The following TRIM33 variants were observed in gnomAD, a reference collection of about 807,000 sequenced individuals.
TRIM33 encodes the protein tripartite motif containing 33.
In TRIM33, 20 loss-of-function variants were observed where a neutral mutation model predicts 125.4. The observed-to-expected ratio is 0.16, with a 90% CI of 0.11 to 0.23. The LOEUF is 0.23. Ranked by LOEUF, TRIM33 falls within the 10% of genes least tolerant of loss-of-function variation. The pLI is 1.00. For missense variants in TRIM33, 920 were observed against 1,411.4 expected (o/e 0.65, Z 5.58); for synonymous variants, 564 against 513.9 (o/e 1.10, Z -1.32).
intron 1 of TRIM33, among the ~76,000 whole-genome samples, chr1:114,484,219 C>T (rs1009430276): frequency 6.6e-6 from 1 of 152,172 alleles, no homozygotes; most frequent in East Asian, 1.9e-4. Context: ...GTCAGCATTT[C>T]ATACTTTGGA....
intron 1 of TRIM33, among the ~76,000 whole-genome samples, chr1:114,478,774 G>A (rs369992150): frequency 1.3e-5 from 2 of 152,306 alleles, no homozygotes; most frequent in African/African-American, 2.4e-5. Context: ...CAGGCCAGGC[G>A]TGGTGGCTCA....
intron 1 of TRIM33, among the ~76,000 whole-genome samples, chr1:114,487,550 A>T (rs1651779261): frequency 6.6e-6 from 1 of 152,102 alleles, no homozygotes; most frequent in Admixed American, 6.5e-5. Context: ...GAAAAAAAAA[A>T]TGTTAACAGA....
chr1:114,492,531 C>T (rs1289811446), intron 1 of TRIM33, among the ~76,000 whole-genome samples: 1 of 152,096 alleles, frequency 6.6e-6, no homozygotes, highest in Non-Finnish European at 1.5e-5. Context: ...CATTAAGCAA[C>T]AATCGCCCAT....
chr1:114,452,633 T>C (rs1649380216), intron 4 of TRIM33, among the ~76,000 whole-genome samples: 1 of 149,504 alleles, frequency 6.7e-6, no homozygotes, highest in African/African-American at 2.5e-5. Flanking sequence ...CAGTGGCTTA[T>C]AAGTGTAATC....
chr1:114,427,259 C>G lies in TRIM33; in HGVS notation c.1338G>C (p.Arg446=). ...CATTAGCAGCAGGGACAGGATCACA[C>G]CGTGCTTTCAAAATATGACGCAACT... ...TFQLRHILKA[R]CDPVPAANGA... The change falls in exon 8 of 20, where the codon CGG becomes CGC. Residue 446 remains arginine (R), a synonymous_variant. Coordinates refer to ENST00000358465, the MANE Select transcript of TRIM33 (RefSeq NM_015906.4). 6.3e-7 allele frequency: 1 copy of G among 1,598,576 alleles called. No individual in the cohort carries two copies. Among genetic ancestry groups the G allele is most frequent in the Non-Finnish European group, 8.5e-7 (1 of 1,170,552 alleles).
chr1:114,510,390 G>A (rs1397185843), intron 1 of TRIM33, among the ~76,000 whole-genome samples, 161 bp downstream of exon 1: 3 of 152,086 alleles, frequency 2.0e-5, no homozygotes, highest in Non-Finnish European at 4.4e-5. Flanking sequence ...TTGCGGTCCA[G>A]CTTCTCTGGA....
At position 114,427,226 on chromosome 1, in the gene TRIM33, T is replaced by A; in HGVS notation, c.1371A>T (p.Ile457=). The change falls in exon 8 of 20, where the codon ATA becomes ATT. Residue 457 remains isoleucine, a synonymous_variant. Transcript: ENST00000358465. ...CDPVPAANGA[I]RFHCDPTFWA... ...AGAAGGTGGGATCACAATGGAAACG[T>A]ATTGCTCCATTAGCAGCAGGGACAG... 1 of 1,607,654 alleles carries A rather than the reference T, an allele frequency of 6.2e-7. No homozygotes were observed. Among genetic ancestry groups the A allele is most frequent in the African/African-American group, 1.3e-5 (1 of 74,916 alleles).
rs1458446659 is a variant in TRIM33 at position 114,421,575 on chromosome 1, T to C, written c.1922A>G (p.Asn641Ser). ...AGTTGCTGTAGTAGGGCTCGTTGGG[T>C]TGATTGTGGTGTTGTGTACCGATAC... ...PVVSVHNTTI[N>S]PTSPTTATMA... Residue 641 changes from asparagine to serine, a missense_variant, in exon 11 of 20, where the codon AAC (asparagine) becomes AGC (serine). This residue lies in a region of TRIM33 where 407 missense variants were observed against 589.7 expected (regional missense o/e 0.69). Coordinates refer to ENST00000358465, the MANE Select transcript of TRIM33 (RefSeq NM_015906.4). 1.9e-6 allele frequency: 3 copies of C among 1,614,026 alleles called. No individual in the cohort carries two copies. Among genetic ancestry groups the C allele is most frequent in the African/African-American group, 1.3e-5 (1 of 74,966 alleles).
At chr1:114,481,675 G>GTATA (rs34435178) in intron 1 of TRIM33, among the ~76,000 whole-genome samples, 1 of 147,636 alleles carries the variant, frequency 6.8e-6, no homozygotes, top group Non-Finnish European at 1.5e-5. Context: ...ATATATGTGT[G>GTATA]TATATATATA....
At chr1:114,481,661 G>GTA (rs372247789) in intron 1 of TRIM33, among the ~76,000 whole-genome samples, 5 of 144,942 alleles carry the variant, frequency 3.4e-5, no homozygotes, top group Middle Eastern at 3.3e-3. Flanking sequence ...GTGTGTGTGT[G>GTA]TATATATATG....
chr1:114,462,113 T>C (rs114258144), intron 4 of TRIM33, among the ~76,000 whole-genome samples: 3,923 of 152,252 alleles, frequency 0.026, 87 homozygotes, highest in Non-Finnish European at 0.034. Flanking sequence ...CTACAGCCTT[T>C]TGTGAGTAGG....
chr1:114,445,772 T>C (rs191492861), intron 4 of TRIM33, among the ~76,000 whole-genome samples: 13 of 152,190 alleles, frequency 8.5e-5, no homozygotes, highest in African/African-American at 1.2e-4. Flanking sequence ...GAATACAAAG[T>C]AGTAATATCA....
chr1:114,435,946 T>C (rs1266749724), intron 4 of TRIM33, among the ~76,000 whole-genome samples: 1 of 141,086 alleles, frequency 7.1e-6, no homozygotes, highest in African/African-American at 2.7e-5. Context: ...TTGCCCAAGC[T>C]GGTCTTGAAC....
chr1:114,408,650 G>GA (rs767553993), intron 13 of TRIM33, 27 bp downstream of exon 13: 54 of 1,502,354 alleles, frequency 3.6e-5, no homozygotes, highest in Non-Finnish European at 3.7e-5. Context: ...TAACAAAAAG[G>GA]AAAAAAATAA....
intron 17 of TRIM33, among the ~76,000 whole-genome samples, chr1:114,400,213 G>T (rs557892449): frequency 9.7e-4 from 148 of 152,150 alleles, no homozygotes; most frequent in Non-Finnish European, 1.8e-3. Flanking sequence ...TTGACTAATT[G>T]ATTTTTGAGA....
intron 4 of TRIM33, among the ~76,000 whole-genome samples, chr1:114,455,985 C>G (rs1649593464): frequency 6.6e-6 from 1 of 152,180 alleles, no homozygotes; most frequent in Middle Eastern, 3.2e-3. Context: ...AGGCCCAAGG[C>G]ACCATAATTC....
chr1:114,402,577 A>C (rs576597426), intron 16 of TRIM33, among the ~76,000 whole-genome samples, 183 bp downstream of exon 16: 3 of 152,236 alleles, frequency 2.0e-5, no homozygotes, highest in South Asian at 2.1e-4. Flanking sequence ...TCTGGATAGA[A>C]GGGTCTGTAG....
At chr1:114,472,720 T>C (rs1167962244) in intron 1 of TRIM33, among the ~76,000 whole-genome samples, 1 of 151,834 alleles carries the variant, frequency 6.6e-6, no homozygotes, top group African/African-American at 2.4e-5. Flanking sequence ...GTCTCAAAAA[T>C]GAAAACAAAA....
intron 1 of TRIM33, chr1:114,490,786 T>C (rs1220443796): frequency 6.6e-6 from 1 of 152,180 alleles, no homozygotes; most frequent in Non-Finnish European, 1.5e-5. Flanking sequence ...ATCTAAGTCT[T>C]TGCTCTACTC....
Sources: gnomAD v4.1 joint callset for allele counts (sites outside exome capture counted in the v4.1 genomes callset) on GRCh38, gnomAD v4.1.1 for gene constraint, gnomAD v4.1.1 regional missense constraint, MANE v1.5 for transcripts, NCBI Gene and HGNC (gene_info 2026-07-23, HGNC 2026-07-21) for gene names.